The following NDST3 variants were observed in gnomAD, a reference collection of about 807,000 sequenced individuals.
NDST3 encodes N-deacetylase and N-sulfotransferase 3.
A neutral mutation model predicts 96.1 loss-of-function variants in NDST3; 58 were observed. The ratio of observed to expected loss-of-function variants is 0.60; its 90% CI spans 0.49 to 0.75. The LOEUF is 0.75. NDST3 is among the 30% of genes least tolerant of loss of function. The pLI is 0.00. For synonymous variants in NDST3, 333 were observed against 359.7 expected (o/e 0.93, Z 0.84); for missense variants, 788 against 1,034.2 (o/e 0.76, Z 3.27).
intron 6 of NDST3, among the ~76,000 whole-genome samples, chr4:118,156,745 A>T (rs1712346830): frequency 6.6e-6 from 1 of 152,204 alleles, no homozygotes; most frequent in Non-Finnish European, 1.5e-5. Flanking sequence ...TTATATTGAG[A>T]CACTATTTCT....
At chr4:118,198,374 G>A (rs555681824) in intron 6 of NDST3, among the ~76,000 whole-genome samples, 22 of 152,106 alleles carry the variant, frequency 1.4e-4, no homozygotes, top group South Asian at 6.2e-4. Flanking sequence ...CAAATACTAC[G>A]TTATAACCCA....
chr4:118,156,658 A>G (rs1164225671), intron 6 of NDST3, among the ~76,000 whole-genome samples: 1 of 152,234 alleles, frequency 6.6e-6, no homozygotes, highest in Non-Finnish European at 1.5e-5. Flanking sequence ...GTCTCCCAAC[A>G]TGGCATTTTA....
chr4:118,047,136 C>T (rs10029850), intron 1 of NDST3, among the ~76,000 whole-genome samples: 97,241 of 152,062 alleles, frequency 0.64, 34,468 homozygotes, highest in South Asian at 0.82. Context: ...GCCCAAACTA[C>T]CACGCCAAAA....
chr4:118,228,708 T>TA (rs1226416665), intron 8 of NDST3, among the ~76,000 whole-genome samples: 1 of 152,112 alleles, frequency 6.6e-6, no homozygotes, highest in East Asian at 1.9e-4. Context: ...GTTGTTAGCC[T>TA]AAAAAAATTT....
At chr4:118,059,877 T>C (rs999662478) in intron 2 of NDST3, among the ~76,000 whole-genome samples, 16 of 152,178 alleles carry the variant, frequency 1.1e-4, no homozygotes, top group African/African-American at 3.9e-4. Flanking sequence ...AAACTCATAT[T>C]TCTTGAGTTC....
At chr4:118,119,366 C>G (rs1188131871) in intron 4 of NDST3, among the ~76,000 whole-genome samples, 1 of 152,086 alleles carries the variant, frequency 6.6e-6, no homozygotes, top group Non-Finnish European at 1.5e-5. Context: ...TGCTTGCCAG[C>G]TAGAGAATGA....
intron 3 of NDST3, among the ~76,000 whole-genome samples, chr4:118,105,574 C>T (rs1730107140): frequency 6.6e-6 from 1 of 152,142 alleles, no homozygotes; most frequent in Non-Finnish European, 1.5e-5. Flanking sequence ...TCATCTGTAT[C>T]CAGCTCATTT....
Position 118,107,357 on chromosome 4 carries a change from A to G in NDST3, c.1069+2252A>G, listed in dbSNP as rs997806963. Among the ~76,000 whole-genome samples the G allele has an allele frequency of 5.2e-4, 79 of 152,178 alleles. 1 individual carries two copies. Among genetic ancestry groups the G allele is most frequent in the African/African-American group, 1.8e-3 (76 of 41,438 alleles). Reference sequence around the variant, plus strand: ...CCTCAGGATAGATGAACACAATTTCATGATTGAAAGCATTACTCTGTATTT... The same window carrying G: ...CCTCAGGATAGATGAACACAATTTCGTGATTGAAAGCATTACTCTGTATTT... On this transcript the variant is annotated intron_variant, in intron 3 of 13. Transcript: ENST00000296499.
chr4:118,137,724 C>T (rs1733228970), intron 4 of NDST3, among the ~76,000 whole-genome samples: 1 of 152,136 alleles, frequency 6.6e-6, no homozygotes, highest in African/African-American at 2.4e-5. Flanking sequence ...AAGTGTCTAA[C>T]ATTTAACTTG....
At chr4:118,075,036 T>A (rs555494597) in intron 2 of NDST3, among the ~76,000 whole-genome samples, 1 of 152,248 alleles carries the variant, frequency 6.6e-6, no homozygotes, top group African/African-American at 2.4e-5. Flanking sequence ...TTTCTCTTAA[T>A]GCTATCCCTT....
At chr4:118,226,345 CAT>C (rs1319677683) in intron 7 of NDST3, among the ~76,000 whole-genome samples, 6 of 152,182 alleles carry the variant, frequency 3.9e-5, no homozygotes, top group African/African-American at 1.4e-4. Flanking sequence ...TTTCTAGCAT[CAT>C]AGTCTATAAA....
intron 6 of NDST3, among the ~76,000 whole-genome samples, chr4:118,222,415 A>T (rs992782584): frequency 2.0e-5 from 3 of 152,002 alleles, no homozygotes; most frequent in African/African-American, 7.2e-5. Flanking sequence ...AAAAAGTTCA[A>T]AAAGAAATTG....
Position 118,257,483 on chromosome 4 carries a change from T to C in NDST3, c.*1771T>C, listed in dbSNP as rs2126019573. 1 of 152,260 alleles carries C rather than the reference T, an allele frequency of 6.6e-6. No homozygotes were observed. The highest frequency in any genetic ancestry group is 2.4e-5 in the African/African-American group (1 of 41,548). The allele number at this position is 152,260 out of a possible 1,614,324, so 9.4% of individuals were successfully genotyped here. On this transcript the variant is annotated 3_prime_UTR_variant, in exon 14 of 14. Transcript: ENST00000296499. ...GTACATATACATAAAATTTAAGTAG[T>C]AAATTAATTCCCTGCTATGATTATA...
chr4:118,224,243 T>G (rs569513905), intron 6 of NDST3, among the ~76,000 whole-genome samples: 1 of 152,158 alleles, frequency 6.6e-6, no homozygotes, highest in African/African-American at 2.4e-5. Context: ...TGATGTTGAA[T>G]GTATTTTTTT....
chr4:118,135,177 C>G (rs1021678153), intron 4 of NDST3, among the ~76,000 whole-genome samples: 3 of 152,108 alleles, frequency 2.0e-5, no homozygotes, highest in Non-Finnish European at 4.4e-5. Context: ...TTAAAAGCAG[C>G]CCCCTACTAA....
At chr4:118,037,057 A>T (rs1489702607) in intron 1 of NDST3, among the ~76,000 whole-genome samples, 1 of 152,178 alleles carries the variant, frequency 6.6e-6, no homozygotes, top group Non-Finnish European at 1.5e-5. Flanking sequence ...TGGCTCTGCC[A>T]AGACAGGAGT....
At chr4:118,072,656 A>G (rs1217544847) in intron 2 of NDST3, among the ~76,000 whole-genome samples, 1 of 152,108 alleles carries the variant, frequency 6.6e-6, no homozygotes, top group Non-Finnish European at 1.5e-5. Flanking sequence ...TGTATATAAA[A>G]TTATATCATC....
chr4:118,255,461 TA>T (rs1742055710), intron 13 of NDST3, 131 bp from the exon 14 acceptor site: 5 of 943,534 alleles, frequency 5.3e-6, no homozygotes, highest in Non-Finnish European at 6.1e-6. Context: ...ATGTGCTAAA[TA>T]AATAGTCCAT....
intron 2 of NDST3, among the ~76,000 whole-genome samples, chr4:118,070,484 T>A (rs530929336): frequency 6.6e-6 from 1 of 152,060 alleles, no homozygotes; most frequent in African/African-American, 2.4e-5. Context: ...ATATAACTTG[T>A]TTAAAATATT....
Sources: allele counts gnomAD v4.1 joint callset (sites outside exome capture counted in the v4.1 genomes callset), GRCh38; gene constraint gnomAD v4.1.1; transcripts MANE v1.5; gene names NCBI Gene and HGNC (gene_info 2026-07-23, HGNC 2026-07-21).